TET2: variants seen among roughly 807,000 people sequenced by gnomAD.
The protein encoded by TET2 is methylcytosine dioxygenase TET2.
Under a neutral mutation model 142.9 loss-of-function variants are expected in TET2, and 299 were observed. The observed-to-expected ratio is 2.09, with a 90% CI of 1.90 to 2.30. The LOEUF is 2.30. TET2 is among the 30% of genes most tolerant of loss of function. The probability of loss-of-function intolerance (pLI) is 0.00; values close to 1 mark genes in which losing one functional copy is unlikely to be tolerated. For synonymous variants in TET2, 819 were observed against 849.0 expected, an observed-to-expected ratio of 0.96 and a Z score of 0.61; for missense variants, 2,418 against 2,378.0, an observed-to-expected ratio of 1.02 and a Z score of -0.35.
intron 1 of TET2, among the ~76,000 whole-genome samples, chr4:105,173,701 A>G (rs984235511): frequency 1.3e-5 from 2 of 152,218 alleles, no homozygotes; most frequent in Non-Finnish European, 2.9e-5. Context: ...TGTTTTCTCT[A>G]CTACTCAGCA....
intron 2 of TET2, among the ~76,000 whole-genome samples, chr4:105,210,468 C>G (rs1379234322): frequency 1.3e-5 from 2 of 152,140 alleles, no homozygotes; most frequent in South Asian, 2.1e-4. Context: ...TAGGTTAACA[C>G]AGTTCACAAT....
intron 3 of TET2, chr4:105,239,157 T>C (rs1202940492): frequency 4.2e-6 from 1 of 236,700 alleles, no homozygotes; most frequent in Non-Finnish European, 9.0e-6. Context: ...AGATGTGTTA[T>C]CATCCAGACT....
At chr4:105,184,903 G>T (rs1216313330) in intron 1 of TET2, among the ~76,000 whole-genome samples, 1 of 152,214 alleles carries the variant, frequency 6.6e-6, no homozygotes, top group Non-Finnish European at 1.5e-5. Context: ...ATTTCAACAG[G>T]AAGGAAACAT....
intron 2 of TET2, among the ~76,000 whole-genome samples, chr4:105,207,161 A>G (rs1726873538): frequency 6.6e-6 from 1 of 152,220 alleles, no homozygotes; most frequent in African/African-American, 2.4e-5. Context: ...TTGCTTTTAT[A>G]AGATTCTCAA....
At chr4:105,150,001 G>A (rs1252091249) in intron 1 of TET2, among the ~76,000 whole-genome samples, 1 of 152,180 alleles carries the variant, frequency 6.6e-6, no homozygotes, top group African/African-American at 2.4e-5. Context: ...GAAGTTAAAA[G>A]TTCCCTATCA....
At chr4:105,219,597 A>G (rs1727694890) in intron 2 of TET2, among the ~76,000 whole-genome samples, 1 of 152,114 alleles carries the variant, frequency 6.6e-6, no homozygotes, top group South Asian at 2.1e-4. Flanking sequence ...TTAGTTGACC[A>G]ACTCTAATAT....
In TET2 at chr4:105,234,453, T is replaced by A. The variant is rs1728706883; in HGVS notation, c.511T>A (p.Cys171Ser). 1 of 1,614,002 alleles carries A rather than the reference T, an allele frequency of 6.2e-7. No individual in the cohort carries two copies. Among genetic ancestry groups the A allele is most frequent in the Non-Finnish European group, 8.5e-7 (1 of 1,180,002 alleles). The change falls in exon 3 of 11, where the codon TGC becomes AGC. Residue 171 changes from cysteine (C) to serine (S), a missense_variant. Cys to Ser is a moderately radical substitution (Grantham distance 112, BLOSUM62 -1). Coordinates refer to ENST00000380013, the MANE Select transcript of TET2 (RefSeq NM_001127208.3). ...TTTCACCAGTTTTTCAACACATAAC[T>A]GCAGTGGGCCTGAAAATCCAGAGCT... is the stretch of plus-strand genomic sequence containing the variant. The part of the protein sequence containing the change: ...KDFTSFSTHN[C>S]SGPENPELQI...
rs2110254243 is a variant in TET2 at position 105,243,556 on chromosome 4, G to A, written c.3595-14G>A. 6.4e-7 allele frequency: 1 copy of A among 1,551,230 alleles called. No individual in the cohort carries two copies. The highest frequency in any genetic ancestry group is 8.7e-7 in the Non-Finnish European group (1 of 1,146,720). ...GGGTGGGGGGTGTTTGGGATGGAATGGTGATCCACGCAGGTGGTTCGCAGA... is the reference window on the plus strand; with the variant it reads ...GGGTGGGGGGTGTTTGGGATGGAATAGTGATCCACGCAGGTGGTTCGCAGA... On this transcript the variant is annotated splice_polypyrimidine_tract_variant and intron_variant, in intron 5 of 10. Transcript: ENST00000380013.
At chr4:105,223,071 C>A (rs529124778) in intron 2 of TET2, among the ~76,000 whole-genome samples, 1 of 152,200 alleles carries the variant, frequency 6.6e-6, no homozygotes, top group Non-Finnish European at 1.5e-5. Context: ...TTCCATTGAT[C>A]TATATCTCTG....
intron 6 of TET2, among the ~76,000 whole-genome samples, chr4:105,250,380 A>ATTTTTTTTTTTTTTTT (rs59695275): frequency 6.6e-5 from 4 of 60,276 alleles, no homozygotes; most frequent in Admixed American, 2.7e-4. Context: ...TCCTTTCTGG[A>ATTTTTTTTTTTTTTTT]TTTTTTTTTT....
chr4:105,252,300 G>A (rs570106905), intron 6 of TET2, among the ~76,000 whole-genome samples: 3 of 152,206 alleles, frequency 2.0e-5, no homozygotes, highest in African/African-American at 7.2e-5. Flanking sequence ...TTTCAGACTG[G>A]TTTTTGTCAC....
intron 2 of TET2, among the ~76,000 whole-genome samples, chr4:105,229,242 C>G (rs1192525447): frequency 6.6e-6 from 1 of 152,178 alleles, no homozygotes; most frequent in Admixed American, 6.5e-5. Flanking sequence ...TAGACCATCT[C>G]TTAATGTATG....
At chr4:105,245,824 C>T (rs894554347) in intron 6 of TET2, among the ~76,000 whole-genome samples, 8 of 152,138 alleles carry the variant, frequency 5.3e-5, no homozygotes, top group South Asian at 2.1e-4. Context: ...TTAGACTTGA[C>T]GGTTTGAGAT....
chr4:105,227,588 G>GA (rs1383794296), intron 2 of TET2, among the ~76,000 whole-genome samples: 4 of 129,240 alleles, frequency 3.1e-5, no homozygotes, highest in African/African-American at 4.5e-5. Flanking sequence ...TCTGGTGTAA[G>GA]AAAAAATAGA....
intron 6 of TET2, among the ~76,000 whole-genome samples, chr4:105,253,931 A>G (rs976515182): frequency 1.3e-5 from 2 of 152,100 alleles, no homozygotes; most frequent in African/African-American, 4.8e-5. Flanking sequence ...TGATATTACC[A>G]TATGATTTTT....
chr4:105,235,115 CT>C lies in TET2; in HGVS notation c.1177del (p.Ser393LeufsTer34). The C allele has an allele frequency of 6.2e-7, 1 of 1,613,890 alleles. No homozygotes were observed. Among genetic ancestry groups the C allele is most frequent in the Non-Finnish European group, 8.5e-7 (1 of 1,179,916 alleles). ...KQSSVFTKDS[F>X]SATTTPPPPS... ...AAAGCTCAGTGTTCACTAAGGATTC[CT>C]TTTCTGCCACTACCACACCACCACC... On this transcript the variant is annotated frameshift_variant, in exon 3 of 11. Coordinates refer to ENST00000380013, the MANE Select transcript of TET2 (RefSeq NM_001127208.3). LOFTEE classifies it high-confidence loss of function.
chr4:105,236,135 A>G lies in TET2; in HGVS notation c.2193A>G (p.Gln731=), dbSNP rs764836737. Residue 731 remains glutamine (Q), a synonymous_variant, in exon 3 of 11, where the codon CAA becomes CAG. Transcript: ENST00000380013. ...HKPHKQAAQT[Q]PSQSSHLPQN... ...CTCATAAACAGGCAGCACAAACACAACCATCCCAGAGTTCACATCTCCCTC... is the reference window on the plus strand; with the variant it reads ...CTCATAAACAGGCAGCACAAACACAGCCATCCCAGAGTTCACATCTCCCTC... The G allele has an allele frequency of 1.2e-6, 2 of 1,614,126 alleles. No individual in the cohort carries two copies. Among genetic ancestry groups the G allele is most frequent in the South Asian group, 1.1e-5 (1 of 91,086 alleles).
Position 105,276,121 on chromosome 4 carries a change from A to T in TET2, c.5611A>T (p.Ile1871Phe). The T allele has an allele frequency of 6.4e-7, 1 of 1,551,618 alleles. No homozygotes were observed. Among genetic ancestry groups the T allele is most frequent in the Non-Finnish European group, 8.7e-7 (1 of 1,146,968 alleles). Residue 1871 changes from isoleucine (I) to phenylalanine (F), a missense_variant, in exon 11 of 11, where the codon ATT (isoleucine) becomes TTT (phenylalanine). Physicochemically the swap from Ile to Phe is conservative, Grantham distance 21 (BLOSUM62 0). Coordinates refer to ENST00000380013, the MANE Select transcript of TET2 (RefSeq NM_001127208.3). ...GVAVAPTHGS[I>F]LIECAKRELH... is the part of the protein sequence containing the mutation. ...GGCCGTGGCTCCAACTCATGGGTCA[A>T]TTCTCATTGAGTGTGCAAAGCGTGA...
intron 1 of TET2, among the ~76,000 whole-genome samples, chr4:105,167,071 A>G (rs1413642717): frequency 1.3e-5 from 2 of 151,926 alleles, no homozygotes; most frequent in Non-Finnish European, 2.9e-5. Flanking sequence ...TTAATGGTGC[A>G]TTAGAACTTG....
Sources: allele counts gnomAD v4.1 joint callset (sites outside exome capture counted in the v4.1 genomes callset), GRCh38; gene constraint gnomAD v4.1.1; transcripts MANE v1.5; gene names NCBI Gene and HGNC (gene_info 2026-07-23, HGNC 2026-07-21).